TMEM117: variants seen among roughly 807,000 people sequenced by gnomAD.
The protein encoded by TMEM117 is transmembrane protein 117.
In TMEM117, 27 loss-of-function variants were observed where a neutral mutation model predicts 52.4. The ratio of observed to expected loss-of-function variants is 0.51; its 90% CI spans 0.38 to 0.71. TMEM117 has a LOEUF of 0.71. TMEM117 is among the 30% of genes least tolerant of loss of function. The pLI is 0.00. For missense variants in TMEM117, 556 were observed against 630.5 expected, an observed-to-expected ratio of 0.88 and a Z score of 1.26; for synonymous variants, 215 against 206.3, an observed-to-expected ratio of 1.04 and a Z score of -0.36.
intron 5 of TMEM117, among the ~76,000 whole-genome samples, chr12:44,264,461 G>A (rs1950354073): frequency 6.6e-6 from 1 of 152,110 alleles, no homozygotes; most frequent in Non-Finnish European, 1.5e-5. Context: ...TTTCTGTGAG[G>A]TGGGTATTTG....
intron 2 of TMEM117, among the ~76,000 whole-genome samples, chr12:43,882,722 G>A (rs60120002): frequency 0.062 from 9,407 of 152,232 alleles, 366 homozygotes; most frequent in Middle Eastern, 0.13. Flanking sequence ...AGCTGTGCAT[G>A]TATGGAAAGG....
intron 4 of TMEM117, among the ~76,000 whole-genome samples, chr12:44,192,330 C>T (rs1194702977): frequency 6.6e-6 from 1 of 152,230 alleles, no homozygotes; most frequent in East Asian, 1.9e-4. Flanking sequence ...TGGATGCTTA[C>T]TGTTTTTGGT....
chr12:44,380,613 G>A (rs957318813), intron 7 of TMEM117, among the ~76,000 whole-genome samples: 5 of 152,232 alleles, frequency 3.3e-5, no homozygotes, highest in East Asian at 1.9e-4. Flanking sequence ...TCAGTTTCTC[G>A]TCTATTTAAT....
intron 5 of TMEM117, chr12:44,248,605 C>T (rs116319095): frequency 0.012 from 1,848 of 158,432 alleles, 32 homozygotes; most frequent in African/African-American, 0.042. Flanking sequence ...CTAGGGACTG[C>T]GGTGTGACTG....
At chr12:44,227,817 T>G (rs550067077) in intron 5 of TMEM117, among the ~76,000 whole-genome samples, 12 of 152,274 alleles carry the variant, frequency 7.9e-5, no homozygotes, top group Non-Finnish European at 1.6e-4. Context: ...TTTCACATGT[T>G]GATCTCCTCA....
chr12:44,150,864 C>T (rs541498689), intron 4 of TMEM117, among the ~76,000 whole-genome samples: 4 of 151,828 alleles, frequency 2.6e-5, no homozygotes, highest in Non-Finnish European at 5.9e-5. Flanking sequence ...AAAGGATTTC[C>T]GGGTAAAAAA....
chr12:44,193,273 A>C (rs759285602), intron 4 of TMEM117, among the ~76,000 whole-genome samples: 3 of 152,228 alleles, frequency 2.0e-5, no homozygotes, highest in Non-Finnish European at 2.9e-5. Flanking sequence ...CAACAGCAAC[A>C]ATTTCCCAAT....
rs1042242288 is a variant in TMEM117, at chr12:43,931,234, T to C, written c.278-12976T>C. Reference sequence around the variant, plus strand: ...TGGTGGAAGTGGGGCAAAATTAACCTGAGGGCTTCTGCTGCCTAATAAAGT... The same window carrying C: ...TGGTGGAAGTGGGGCAAAATTAACCCGAGGGCTTCTGCTGCCTAATAAAGT... On this transcript the variant is annotated intron_variant, in intron 2 of 7. Transcript: ENST00000266534. Among the ~76,000 whole-genome samples, 5 of 152,230 alleles carry C rather than the reference T, an allele frequency of 3.3e-5. No individual in the cohort carries two copies. The East Asian group carries it at 7.7e-4, about 23-fold the overall frequency.
intron 5 of TMEM117, among the ~76,000 whole-genome samples, chr12:44,239,444 A>G (rs1248014462): frequency 1.3e-5 from 2 of 152,190 alleles, no homozygotes; most frequent in African/African-American, 4.8e-5. Context: ...CTGTCACAAT[A>G]TTCCTCTTAT....
chr12:44,302,790 CAG>C (rs980308576), intron 6 of TMEM117, among the ~76,000 whole-genome samples: 12 of 152,250 alleles, frequency 7.9e-5, no homozygotes, highest in South Asian at 4.1e-4. Flanking sequence ...TTTAAGGAAA[CAG>C]AGCCCCAGAA....
In TMEM117 at chr12:44,315,428, C is replaced by T. The variant is rs115999212; in HGVS notation, c.768+15689C>T. 3.6e-3 allele frequency among the ~76,000 whole-genome samples: 552 copies of T among 152,232 alleles called. 3 individuals carry two copies. The highest frequency in any genetic ancestry group is 0.012 in the African/African-American group (510 of 41,534). ...CTGTCAACACTGTTTTTGCTTCATC[C>T]AAGAGATTTTGCTATGTTGTGTTGA... On this transcript the variant is annotated intron_variant, in intron 6 of 7. Coordinates refer to ENST00000266534, the MANE Select transcript of TMEM117 (RefSeq NM_032256.3).
At chr12:43,840,892 C>G (rs1943106241) in intron 1 of TMEM117, among the ~76,000 whole-genome samples, 1 of 152,166 alleles carries the variant, frequency 6.6e-6, no homozygotes. Context: ...ACAGTAGATA[C>G]ACCAAATGAT....
intron 3 of TMEM117, among the ~76,000 whole-genome samples, chr12:43,975,803 A>G (rs1438620078): frequency 6.6e-6 from 1 of 152,200 alleles, no homozygotes; most frequent in East Asian, 1.9e-4. Flanking sequence ...CTGGAAACCC[A>G]GTGGCTTTGT....
chr12:44,387,865 A>G (rs1018739757), intron 7 of TMEM117, among the ~76,000 whole-genome samples, 161 bp from the exon 8 acceptor site: 3 of 152,192 alleles, frequency 2.0e-5, no homozygotes, highest in South Asian at 2.1e-4. Flanking sequence ...CCCTTTGCCA[A>G]TTCACTTAAT....
At chr12:44,273,422 T>A (rs144129999) in intron 5 of TMEM117, among the ~76,000 whole-genome samples, 100 of 151,844 alleles carry the variant, frequency 6.6e-4, no homozygotes, top group African/African-American at 2.2e-3. Flanking sequence ...ACTCAAATTA[T>A]TCTGATAAAT....
chr12:43,914,104 A>G (rs771110109), intron 2 of TMEM117, among the ~76,000 whole-genome samples: 21 of 152,140 alleles, frequency 1.4e-4, no homozygotes, highest in Non-Finnish European at 2.8e-4. Context: ...GCTAAATTCA[A>G]TCAATTAAAT....
At chr12:44,313,114 A>C (rs939630233) in intron 6 of TMEM117, among the ~76,000 whole-genome samples, 2 of 152,148 alleles carry the variant, frequency 1.3e-5, no homozygotes, top group African/African-American at 4.8e-5. Context: ...TTATTTAATT[A>C]GGTCTCACTT....
At chr12:44,029,517 T>A (rs1946598447) in intron 3 of TMEM117, among the ~76,000 whole-genome samples, 1 of 152,208 alleles carries the variant, frequency 6.6e-6, no homozygotes, top group Admixed American at 6.5e-5. Context: ...GACAAGTGGC[T>A]GCCCGAACTT....
At chr12:44,149,033 A>AG (rs1948684849) in intron 4 of TMEM117, among the ~76,000 whole-genome samples, 1 of 152,246 alleles carries the variant, frequency 6.6e-6, no homozygotes, top group Non-Finnish European at 1.5e-5. Context: ...CCAGAACCAC[A>AG]GGGACACATG....
Sources: gnomAD v4.1 joint callset for allele counts (sites outside exome capture counted in the v4.1 genomes callset) on GRCh38, gnomAD v4.1.1 for gene constraint, MANE v1.5 for transcripts, NCBI Gene and HGNC (gene_info 2026-07-23, HGNC 2026-07-21) for gene names.